Variants in ALOX5 observed in about 807,000 individuals in gnomAD.
ALOX5 encodes the protein arachidonate 5-lipoxygenase.
In ALOX5, 64 loss-of-function variants were observed where a neutral mutation model predicts 87.9. The observed-to-expected ratio is 0.73, with a 90% confidence interval of 0.60 to 0.90. The LOEUF (loss-of-function observed/expected upper bound fraction) is 0.90. ALOX5 is among the 40% of genes least tolerant of loss of function. The pLI, the probability that ALOX5 is intolerant of heterozygous loss-of-function variation, is 0.00. For missense variants in ALOX5, 822 were observed against 907.5 expected (o/e 0.91, Z 1.21); for synonymous variants, 388 against 355.1 (o/e 1.09, Z -1.04).
chr10:45,417,783 G>A (rs906132538), intron 4 of ALOX5, among the ~76,000 whole-genome samples: 1 of 152,202 alleles, frequency 6.6e-6, no homozygotes, highest in Non-Finnish European at 1.5e-5. Flanking sequence ...TGGGGAGCCA[G>A]CAGGGCTTTG....
At chr10:45,416,448 G>A (rs59439940) in intron 4 of ALOX5, among the ~76,000 whole-genome samples, 1 of 152,248 alleles carries the variant, frequency 6.6e-6, no homozygotes, top group African/African-American at 2.4e-5. Context: ...CGGCAGTTAG[G>A]GGCTCACTTC....
chr10:45,441,479 C>A, intron 9 of ALOX5, 49 bp downstream of exon 9: 2 of 1,557,612 alleles, frequency 1.3e-6, no homozygotes, highest in Admixed American at 1.7e-5. Flanking sequence ...CCAGCCTGGC[C>A]GCCTTCACTC....
At chr10:45,441,313 C>T in intron 8 of ALOX5, 31 bp from the exon 9 acceptor site, 1 of 1,605,364 alleles carries the variant, frequency 6.2e-7, no homozygotes, top group East Asian at 2.2e-5. Context: ...GACTGGGCCC[C>T]CTCTGAGGCC....
At chr10:45,379,763 G>A (rs1432022439) in intron 1 of ALOX5, among the ~76,000 whole-genome samples, 1 of 152,140 alleles carries the variant, frequency 6.6e-6, no homozygotes, top group Admixed American at 6.5e-5. Context: ...CAAGTGAGGG[G>A]TATCTCCTTT....
At chr10:45,424,843 G>C in intron 5 of ALOX5, 117 bp from the exon 6 acceptor site, 1 of 1,266,320 alleles carries the variant, frequency 7.9e-7, no homozygotes, top group Non-Finnish European at 1.1e-6. Flanking sequence ...CCCATCCAGG[G>C]AGCACTCGGG....
intron 4 of ALOX5, among the ~76,000 whole-genome samples, chr10:45,415,811 TTGATAAGG>T (rs1477357823): frequency 6.6e-6 from 1 of 152,240 alleles, no homozygotes; most frequent in Non-Finnish European, 1.5e-5. Context: ...ACATCAGCAC[TTGATAAGG>T]TGAACACCAA....
rs749766003 is a variant in ALOX5, at chr10:45,443,016, G to A, written c.1273-22G>A. On this transcript the variant is annotated intron_variant, in intron 9 of 13. Coordinates refer to ENST00000374391, the MANE Select transcript of ALOX5 (RefSeq NM_000698.5). ...GCTGTGGGAGGAGCCACCCGCTCAG[G>A]GCACTCTACCTCCCACTCCAGGCCA... 9.4e-6 allele frequency: 15 copies of A among 1,603,446 alleles called. No homozygotes were observed. In the Admixed American group the frequency reaches 2.4e-4, roughly 25 times the overall value.
At chr10:45,378,062 T>C (rs567610570) in intron 1 of ALOX5, among the ~76,000 whole-genome samples, 54 of 152,134 alleles carry the variant, frequency 3.5e-4, no homozygotes, top group African/African-American at 1.3e-3. Context: ...CACGTGTGAA[T>C]CCCCCGGGGA....
At chr10:45,443,886 C>T in intron 12 of ALOX5, 58 bp downstream of exon 12, 1 of 1,530,072 alleles carries the variant, frequency 6.5e-7, no homozygotes, top group African/African-American at 1.4e-5. Context: ...TGCCTCCTCC[C>T]CCGCCCCGGT....
chr10:45,441,521 G>T (rs1380860473), intron 9 of ALOX5, 91 bp downstream of exon 9: 7 of 1,302,810 alleles, frequency 5.4e-6, no homozygotes, highest in South Asian at 1.3e-5. Flanking sequence ...CTTTCAGGAG[G>T]CCTGGAAGGG....
chr10:45,428,808 T>C (rs1565097), intron 7 of ALOX5, 44 bp downstream of exon 7: 1,207,513 of 1,608,318 alleles, frequency 0.75, 454,972 homozygotes, highest in Admixed American at 0.81. Context: ...CTCAGTCCTC[T>C]GCGATCCAGG....
At chr10:45,423,524 A>C (rs1035092172) in intron 4 of ALOX5, among the ~76,000 whole-genome samples, 4 of 152,192 alleles carry the variant, frequency 2.6e-5, no homozygotes, top group Admixed American at 1.3e-4. Context: ...TGCAGCCTGC[A>C]TTCTGAATTT....
At chr10:45,441,501 T>A in intron 9 of ALOX5, 71 bp downstream of exon 9, 1 of 1,464,938 alleles carries the variant, frequency 6.8e-7, no homozygotes, top group Non-Finnish European at 9.5e-7. Flanking sequence ...CTATCTGAGA[T>A]CTAGACACCC....
At chr10:45,415,042 C>T (rs1841223960) in intron 4 of ALOX5, among the ~76,000 whole-genome samples, 1 of 152,162 alleles carries the variant, frequency 6.6e-6, no homozygotes, top group Non-Finnish European at 1.5e-5. Flanking sequence ...CCTCAAGGAT[C>T]TAGAACTAGA....
At chr10:45,421,094 G>A (rs759573640) in intron 4 of ALOX5, among the ~76,000 whole-genome samples, 5 of 152,366 alleles carry the variant, frequency 3.3e-5, no homozygotes, top group Non-Finnish European at 7.3e-5. Flanking sequence ...AAAGCCTGGT[G>A]CCCTCTCTGG....
At chr10:45,435,275 T>TA (rs1171256578) in intron 7 of ALOX5, among the ~76,000 whole-genome samples, 74 of 151,850 alleles carry the variant, frequency 4.9e-4, no homozygotes, top group African/African-American at 1.7e-3. Flanking sequence ...TTTTTTTTTT[T>TA]AATATATAAA....
intron 4 of ALOX5, among the ~76,000 whole-genome samples, chr10:45,419,691 T>C (rs1417930408): frequency 6.6e-6 from 1 of 152,166 alleles, no homozygotes; most frequent in Non-Finnish European, 1.5e-5. Context: ...GCTGCAGTGA[T>C]CTGCGCCACT....
In ALOX5 at chr10:45,443,217, G is replaced by T. The variant is rs1648908690; in HGVS notation, c.1451+1G>T. ...TCCTGGTGTGGGAAGCCATCAGGAC[G>T]TGAGCGCCCGCGGGGCGGTGGTCCT... is the stretch of plus-strand genomic sequence containing the variant. On this transcript the variant is annotated splice_donor_variant, in intron 10 of 13. Transcript: ENST00000374391. LOFTEE classifies it high-confidence loss of function. 3 of 1,612,298 alleles carry T rather than the reference G, an allele frequency of 1.9e-6. No homozygotes were observed. Among genetic ancestry groups the T allele is most frequent in the Admixed American group, 1.7e-5 (1 of 59,918 alleles).
At chr10:45,414,751 A>G (rs1308420234) in intron 4 of ALOX5, among the ~76,000 whole-genome samples, 1 of 152,246 alleles carries the variant, frequency 6.6e-6, no homozygotes, top group Admixed American at 6.5e-5. Flanking sequence ...AGAAAAAAAC[A>G]ACCCCATCAA....
Sources: allele counts gnomAD v4.1 joint callset (sites outside exome capture counted in the v4.1 genomes callset), GRCh38; gene constraint gnomAD v4.1.1; transcripts MANE v1.5; gene names NCBI Gene and HGNC (gene_info 2026-07-23, HGNC 2026-07-21).